Variants in GPC6 observed in about 807,000 individuals in gnomAD.
GPC6 encodes the protein glypican 6.
In GPC6, 14 loss-of-function variants were observed where a neutral mutation model predicts 55.2. The ratio of observed to expected loss-of-function variants is 0.25; its 90% CI spans 0.17 to 0.40. The LOEUF (loss-of-function observed/expected upper bound fraction) is 0.40. Among genes scored for constraint, GPC6 ranks in the 10% least tolerant of loss-of-function variants. The pLI is 1.00. For missense variants in GPC6, 641 were observed against 708.5 expected, an observed-to-expected ratio of 0.90 and a Z score of 1.08; for synonymous variants, 278 against 259.6, an observed-to-expected ratio of 1.07 and a Z score of -0.68.
chr13:93,812,972 C>G (rs1379925683), intron 2 of GPC6, among the ~76,000 whole-genome samples: 1 of 152,102 alleles, frequency 6.6e-6, no homozygotes, highest in African/African-American at 2.4e-5. Context: ...CATCATTCCA[C>G]TTATGTTGTG....
At chr13:93,566,179 C>T (rs893658062) in intron 2 of GPC6, among the ~76,000 whole-genome samples, 3 of 152,098 alleles carry the variant, frequency 2.0e-5, no homozygotes, top group Non-Finnish European at 2.9e-5. Flanking sequence ...TTTATGTTTC[C>T]TTGTAATAAT....
chr13:93,595,375 C>T lies in GPC6; in HGVS notation c.319+49954C>T, dbSNP rs116228372. On this transcript the variant is annotated intron_variant, in intron 2 of 8. Coordinates refer to ENST00000377047, the MANE Select transcript of GPC6 (RefSeq NM_005708.5). ...GTTGATTAAGATGCAAGTTTTATCG[C>T]TTGTTGGCCATTTGACGTTAATCAC... is the stretch of plus-strand genomic sequence containing the variant. Among the ~76,000 whole-genome samples the T allele has an allele frequency of 6.2e-3, 945 of 152,242 alleles. 11 individuals are homozygous for T. The highest frequency in any genetic ancestry group is 0.021 in the African/African-American group (890 of 41,548).
chr13:93,669,596 A>G (rs1207212633), intron 2 of GPC6, among the ~76,000 whole-genome samples: 4 of 152,158 alleles, frequency 2.6e-5, no homozygotes, highest in African/African-American at 9.6e-5. Flanking sequence ...CATTGGGTGC[A>G]AGTGCCTGTG....
chr13:93,795,556 G>T (rs1886168667), intron 2 of GPC6, among the ~76,000 whole-genome samples: 1 of 152,096 alleles, frequency 6.6e-6, no homozygotes, highest in Non-Finnish European at 1.5e-5. Flanking sequence ...AGAAAGTAAG[G>T]ACTAAACAAA....
intron 4 of GPC6, among the ~76,000 whole-genome samples, chr13:94,262,824 C>T (rs1447700307): frequency 6.6e-6 from 1 of 152,124 alleles, no homozygotes; most frequent in African/African-American, 2.4e-5. Context: ...GATTTAATCA[C>T]ATCTCTTTTT....
the GPC6 span, among the ~76,000 whole-genome samples, chr13:93,221,536 C>CTA: frequency 6.6e-6 from 1 of 152,040 alleles, no homozygotes; most frequent in African/African-American, 2.4e-5. Context: ...CTCAGCTGCC[C>CTA]TAAAGATATA....
At chr13:93,809,892 C>T (rs1886645975) in intron 2 of GPC6, among the ~76,000 whole-genome samples, 1 of 152,154 alleles carries the variant, frequency 6.6e-6, no homozygotes, top group Admixed American at 6.5e-5. Flanking sequence ...AGAGAAGTTT[C>T]AAGTAAATAA....
intron 1 of GPC6, among the ~76,000 whole-genome samples, chr13:93,280,281 C>G (rs1355693953): frequency 6.6e-6 from 1 of 152,168 alleles, no homozygotes; most frequent in Admixed American, 6.5e-5. Flanking sequence ...CAAATAAATT[C>G]AGCTTTGCAA....
chr13:94,338,060 T>C (rs185867418), intron 6 of GPC6, among the ~76,000 whole-genome samples: 224 of 152,356 alleles, frequency 1.5e-3, no homozygotes, highest in Non-Finnish European at 2.3e-3. Flanking sequence ...TGCATTGCAG[T>C]GGATTTCTTT....
intron 1 of GPC6, among the ~76,000 whole-genome samples, chr13:93,251,787 C>A (rs2139029197): frequency 6.6e-6 from 1 of 152,292 alleles, no homozygotes; most frequent in Admixed American, 6.5e-5. Context: ...TAGACTTAGT[C>A]ATTTTAATTT....
intron 2 of GPC6, among the ~76,000 whole-genome samples, chr13:93,600,675 A>G (rs1356365790): frequency 2.0e-5 from 3 of 152,100 alleles, no homozygotes; most frequent in Non-Finnish European, 4.4e-5. Context: ...ATTTAAAAGT[A>G]TGATTTCGGC....
intron 2 of GPC6, among the ~76,000 whole-genome samples, chr13:93,674,233 G>A (rs1274173861): frequency 2.0e-5 from 3 of 152,094 alleles, no homozygotes; most frequent in Non-Finnish European, 2.9e-5. Context: ...GGTAAAGGTT[G>A]CCTTTAAACA....
intron 6 of GPC6, among the ~76,000 whole-genome samples, chr13:94,338,887 G>A (rs1444632896): frequency 1.3e-5 from 2 of 152,010 alleles, no homozygotes; most frequent in African/African-American, 4.8e-5. Context: ...CCCTAATATC[G>A]AGCTGGTCAG....
chr13:93,449,066 A>T (rs527494461), intron 1 of GPC6, among the ~76,000 whole-genome samples: 1 of 152,358 alleles, frequency 6.6e-6, no homozygotes, highest in Non-Finnish European at 1.5e-5. Flanking sequence ...TTCTTGAGCC[A>T]AATACCCATG....
At chr13:93,709,065 TTAAG>T (rs1258696315) in intron 2 of GPC6, among the ~76,000 whole-genome samples, 2 of 151,818 alleles carry the variant, frequency 1.3e-5, no homozygotes, top group East Asian at 3.9e-4. Flanking sequence ...GATGCACAAA[TTAAG>T]TGAGAATATT....
intron 2 of GPC6, among the ~76,000 whole-genome samples, chr13:93,761,991 T>G (rs1317447570): frequency 6.6e-6 from 1 of 152,174 alleles, no homozygotes; most frequent in East Asian, 1.9e-4. Context: ...ACTTCGTACA[T>G]TTTCACCAGT....
At chr13:94,194,643 G>T (rs1248548384) in intron 4 of GPC6, among the ~76,000 whole-genome samples, 1 of 152,036 alleles carries the variant, frequency 6.6e-6, no homozygotes, top group Non-Finnish European at 1.5e-5. Context: ...ACAACAAATT[G>T]TATTTATTGT....
chr13:93,901,077 C>T, intron 3 of GPC6, among the ~76,000 whole-genome samples: 1 of 152,228 alleles, frequency 6.6e-6, no homozygotes. Flanking sequence ...GAGGTCTGTG[C>T]AGACTTTTTA....
chr13:93,637,654 A>T (rs996313231), intron 2 of GPC6, among the ~76,000 whole-genome samples: 1 of 152,144 alleles, frequency 6.6e-6, no homozygotes, highest in African/African-American at 2.4e-5. Flanking sequence ...GAGATTAACC[A>T]TGGGAATCTT....
Sources: gnomAD v4.1 joint callset for allele counts (sites outside exome capture counted in the v4.1 genomes callset) on GRCh38, gnomAD v4.1.1 for gene constraint, MANE v1.5 for transcripts, NCBI Gene and HGNC (gene_info 2026-07-23, HGNC 2026-07-21) for gene names.